The following COL22A1 variants were observed in gnomAD, a reference collection of about 807,000 sequenced individuals.
COL22A1 encodes the protein collagen alpha-1(XXII) chain.
In COL22A1, 221 loss-of-function variants were observed where a neutral mutation model predicts 248.9. That is an observed-to-expected ratio of 0.89 (90% CI 0.80 to 0.99). The LOEUF is 0.99. Ranked by LOEUF, COL22A1 falls within the 50% of genes least tolerant of loss-of-function variation. COL22A1 has a pLI of 0.00. For synonymous variants in COL22A1, 891 were observed against 793.4 expected (o/e 1.12, Z -2.07); for missense variants, 2,240 against 2,179.0 (o/e 1.03, Z -0.56).
At chr8:138,749,006 C>T (rs188202612) in intron 22 of COL22A1, among the ~76,000 whole-genome samples, 52 of 152,264 alleles carry the variant, frequency 3.4e-4, no homozygotes, top group Admixed American at 1.3e-3. Context: ...ATAAGTCTCA[C>T]GAGATTTCAT....
At chr8:138,650,519 G>A (rs1271157386) in intron 45 of COL22A1, among the ~76,000 whole-genome samples, 1 of 152,114 alleles carries the variant, frequency 6.6e-6, no homozygotes, top group African/African-American at 2.4e-5. Context: ...TCACCTAACT[G>A]TACTCCAGCC....
intron 3 of COL22A1, among the ~76,000 whole-genome samples, chr8:138,854,258 C>T (rs1821851333): frequency 1.3e-5 from 2 of 152,264 alleles, no homozygotes; most frequent in South Asian, 4.2e-4. Context: ...TCCTGGGTGT[C>T]CACCATCTGC....
At chr8:138,760,758 T>A (rs1833410237) in intron 17 of COL22A1, among the ~76,000 whole-genome samples, 4 of 152,084 alleles carry the variant, frequency 2.6e-5, no homozygotes, top group Non-Finnish European at 5.9e-5. Context: ...GAAATCAAAG[T>A]CCCAGAAGTC....
chr8:138,664,199 GCGCGCGCGCGCACACACACACACA>G (rs1824256417), intron 41 of COL22A1, among the ~76,000 whole-genome samples: 1 of 74,558 alleles, frequency 1.3e-5, no homozygotes, highest in African/African-American at 5.3e-5. Flanking sequence ...AGGGGTGCGC[GCGCGCGCGCGCACACACACACACA>G]CACACACACA....
chr8:138,801,056 G>T, intron 11 of COL22A1, among the ~76,000 whole-genome samples: 1 of 152,254 alleles, frequency 6.6e-6, no homozygotes, highest in East Asian at 1.9e-4. Context: ...AGAGCCAGCA[G>T]TGCAGTGAGT....
chr8:138,611,573 A>C (rs2131882968), intron 56 of COL22A1, among the ~76,000 whole-genome samples: 1 of 152,306 alleles, frequency 6.6e-6, no homozygotes, highest in South Asian at 2.1e-4. Context: ...CTCCGTATGA[A>C]GTTTTAATAT....
chr8:138,883,787 G>A (rs1824428513), intron 1 of COL22A1, among the ~76,000 whole-genome samples: 1 of 152,048 alleles, frequency 6.6e-6, no homozygotes, highest in Admixed American at 6.6e-5. Flanking sequence ...AGTTCCCTGG[G>A]GCCTCCCCAG....
chr8:138,883,819 T>G lies in COL22A1; in HGVS notation c.-72-575A>C, dbSNP rs969196141. 6.6e-5 allele frequency among the ~76,000 whole-genome samples: 10 copies of G among 152,288 alleles called. No individual in the cohort carries two copies. The East Asian group carries it at 1.5e-3, about 24-fold the overall frequency. ...CCAGCCATGCGGAACAATGAGTCAA[T>G]GAAACCTCTTTCGTTTATAAATTAC... On this transcript the variant is annotated intron_variant, in intron 1 of 64. Transcript: ENST00000303045.
chr8:138,635,600 T>C (rs570152762), intron 48 of COL22A1, among the ~76,000 whole-genome samples: 2 of 152,226 alleles, frequency 1.3e-5, no homozygotes, highest in Admixed American at 6.5e-5. Flanking sequence ...TTGCATATTA[T>C]AGAATGAGCT....
intron 1 of COL22A1, among the ~76,000 whole-genome samples, chr8:138,886,907 T>C (rs1007504218): frequency 8.5e-5 from 13 of 152,142 alleles, no homozygotes; most frequent in African/African-American, 3.1e-4. Context: ...ACATATATTT[T>C]TTTACTTTTT....
At chr8:138,593,074 G>A (rs369434662) in intron 63 of COL22A1, among the ~76,000 whole-genome samples, 58 of 152,218 alleles carry the variant, frequency 3.8e-4, no homozygotes, top group East Asian at 1.5e-3. Context: ...GCAGGAACAC[G>A]GATGAAGATG....
At chr8:138,593,392 TA>T (rs200453839) in intron 63 of COL22A1, among the ~76,000 whole-genome samples, 4 of 151,332 alleles carry the variant, frequency 2.6e-5, no homozygotes, top group Non-Finnish European at 1.5e-5. Context: ...ATTTTTTTTT[TA>T]AAAAAAAACC....
intron 12 of COL22A1, among the ~76,000 whole-genome samples, chr8:138,785,375 A>C (rs1190771224): frequency 1.3e-5 from 2 of 151,062 alleles, no homozygotes; most frequent in Non-Finnish European, 2.9e-5. Context: ...TTCCAGGGAC[A>C]CCAGTCCATG....
intron 3 of COL22A1, among the ~76,000 whole-genome samples, chr8:138,848,527 G>A (rs73368810): frequency 0.053 from 8,074 of 152,170 alleles, 259 homozygotes; most frequent in Middle Eastern, 0.11. Flanking sequence ...ACAATATGGC[G>A]TCTGATGTCC....
intron 49 of COL22A1, among the ~76,000 whole-genome samples, chr8:138,633,049 T>A (rs1048724469): frequency 7.2e-5 from 11 of 152,176 alleles, no homozygotes; most frequent in Admixed American, 5.9e-4. Context: ...GCTACCCATA[T>A]CCCTGCATAT....
chr8:138,705,674 A>T (rs1246749516), intron 30 of COL22A1, among the ~76,000 whole-genome samples: 1 of 152,226 alleles, frequency 6.6e-6, no homozygotes, highest in African/African-American at 2.4e-5. Context: ...CCACTGCAAA[A>T]ACATGCCAAA....
chr8:138,634,758 CT>C (rs1432032876), intron 49 of COL22A1, among the ~76,000 whole-genome samples: 19 of 152,190 alleles, frequency 1.2e-4, no homozygotes, highest in Admixed American at 1.2e-3. Context: ...AGAAGTCTGT[CT>C]GTCTTTGCCA....
intron 22 of COL22A1, among the ~76,000 whole-genome samples, chr8:138,750,763 C>G (rs961657914): frequency 1.3e-5 from 2 of 152,158 alleles, no homozygotes; most frequent in African/African-American, 4.8e-5. Flanking sequence ...TTAACGGTTA[C>G]AGTTCAACAA....
chr8:138,632,325 G>C (rs1820792014), intron 49 of COL22A1, among the ~76,000 whole-genome samples: 1 of 152,082 alleles, frequency 6.6e-6, no homozygotes, highest in Admixed American at 6.5e-5. Context: ...GTAAAATGAA[G>C]GAAAAGAACA....
Sources: gnomAD v4.1 joint callset for allele counts (sites outside exome capture counted in the v4.1 genomes callset) on GRCh38, gnomAD v4.1.1 for gene constraint, MANE v1.5 for transcripts, NCBI Gene and HGNC (gene_info 2026-07-23, HGNC 2026-07-21) for gene names.